DNAJC13: variants seen among roughly 807,000 people sequenced by gnomAD.
The protein encoded by DNAJC13 is DnaJ heat shock protein family (Hsp40) member C13.
DNAJC13 carries 75 observed loss-of-function variants against 290.5 expected under a neutral mutation model. That is an observed-to-expected ratio of 0.26 (90% CI 0.21 to 0.31). The LOEUF (loss-of-function observed/expected upper bound fraction) is 0.31, where lower values mean the gene tolerates loss of function less well. Ranked by LOEUF, DNAJC13 falls within the 10% of genes least tolerant of loss-of-function variation. DNAJC13 has a pLI of 1.00. For missense variants in DNAJC13, 2,260 were observed against 2,674.5 expected (o/e 0.85, Z 3.42); for synonymous variants, 862 against 892.0 (o/e 0.97, Z 0.60).
chr3:132,499,627 T>C, intron 37 of DNAJC13, 107 bp from the exon 38 acceptor site: 2 of 956,246 alleles, frequency 2.1e-6, no homozygotes, highest in Non-Finnish European at 3.2e-6. Flanking sequence ...CATTTATGTA[T>C]CAAATATTTA....
At chr3:132,525,124 TGAGGTCAG>T in intron 51 of DNAJC13, among the ~76,000 whole-genome samples, 1 of 152,282 alleles carries the variant, frequency 6.6e-6, no homozygotes. Context: ...GCGGATCACC[TGAGGTCAG>T]GAGTTCGAGA....
chr3:132,482,621 G>A (rs958770457), intron 27 of DNAJC13, among the ~76,000 whole-genome samples: 8 of 152,072 alleles, frequency 5.3e-5, no homozygotes, highest in Admixed American at 2.0e-4. Context: ...CTGTAATTCC[G>A]GCACTGTGGG....
At chr3:132,483,249 T>A (rs1351327374) in intron 27 of DNAJC13, 126 bp from the exon 28 acceptor site, 1 of 982,624 alleles carries the variant, frequency 1.0e-6, no homozygotes, top group Middle Eastern at 2.9e-4. Flanking sequence ...AAAACTTATT[T>A]TTTCTGAAAT....
At position 132,447,364 on chromosome 3, in the gene DNAJC13, G is replaced by C. The variant is rs1933281848; in HGVS notation, c.188G>C (p.Gly63Ala). 23 of 1,603,544 alleles carry C rather than the reference G, an allele frequency of 1.4e-5. No homozygotes were observed. Among genetic ancestry groups the C allele is most frequent in the Non-Finnish European group, 1.9e-5 (22 of 1,176,244 alleles). The change falls in exon 4 of 56, where the codon GGA becomes GCA. Residue 63 changes from glycine (G) to alanine (A), a missense_variant. Gly to Ala is a moderately conservative substitution (Grantham distance 60). This residue lies in a region of DNAJC13 where 762 missense variants were observed against 964.1 expected (regional missense o/e 0.79). Coordinates refer to ENST00000260818, the MANE Select transcript of DNAJC13 (RefSeq NM_015268.4). ...DICSISPVGK[G>A]QGTEFNLTFR... Reference sequence around the variant, plus strand: ...TGCAGCATCAGCCCTGTTGGAAAAGGACAAGGAACGGAGTTCAACCTCACA... The same window carrying C: ...TGCAGCATCAGCCCTGTTGGAAAAGCACAAGGAACGGAGTTCAACCTCACA...
chr3:132,453,259 G>A (rs1933475235), intron 6 of DNAJC13, 39 bp from the exon 7 acceptor site: 1 of 1,584,796 alleles, frequency 6.3e-7, no homozygotes, highest in African/African-American at 1.4e-5. Context: ...CATTTCAGTT[G>A]TTTCAACTCT....
At chr3:132,440,704 A>G (rs1274518739) in intron 2 of DNAJC13, among the ~76,000 whole-genome samples, 2 of 152,240 alleles carry the variant, frequency 1.3e-5, no homozygotes, top group African/African-American at 4.8e-5. Context: ...TACATACAGA[A>G]TTTTGGGAAG....
Position 132,456,540 on chromosome 3 carries a change from ATAT to A in DNAJC13, c.1141_1143del (p.Ile381del). 6.2e-7 allele frequency: 1 copy of A among 1,614,054 alleles called. No individual in the cohort carries two copies. The highest frequency in any genetic ancestry group is 8.5e-7 in the Non-Finnish European group (1 of 1,179,946). ...GATGCTGTATTCAGGTTCAATGCTA[ATAT>A]TTCATACAGTGGAGTCCTACATGCA... On this transcript the variant is annotated inframe_deletion, in exon 11 of 56. Transcript: ENST00000260818.
chr3:132,419,202 A>G (rs1938885171), intron 1 of DNAJC13, among the ~76,000 whole-genome samples: 1 of 152,210 alleles, frequency 6.6e-6, no homozygotes, highest in African/African-American at 2.4e-5. Flanking sequence ...GAGGAGTCAG[A>G]GGATTATTAA....
chr3:132,507,458 T>C, intron 43 of DNAJC13, 105 bp downstream of exon 43: 1 of 730,274 alleles, frequency 1.4e-6, no homozygotes, highest in Non-Finnish European at 2.3e-6. Context: ...TTATTGCACT[T>C]TCTTTACTGT....
chr3:132,447,571 C>A, intron 4 of DNAJC13, 101 bp downstream of exon 4: 4 of 1,172,718 alleles, frequency 3.4e-6, no homozygotes, highest in Non-Finnish European at 4.6e-6. Flanking sequence ...GCCCCTGTAC[C>A]CACTATGATT....
At chr3:132,427,983 A>G (rs1288834207) in intron 1 of DNAJC13, among the ~76,000 whole-genome samples, 1 of 152,188 alleles carries the variant, frequency 6.6e-6, no homozygotes, top group African/African-American at 2.4e-5. Flanking sequence ...ACATCATTTT[A>G]ATGGAATGTT....
chr3:132,484,663 T>C lies in DNAJC13; in HGVS notation c.3258T>C (p.His1086=), dbSNP rs1934794156. The change falls in exon 29 of 56, where the codon CAT becomes CAC. Residue 1086 remains histidine (H), a synonymous_variant. Transcript: ENST00000260818. ...TGTCAGATAGCACTTGCCTTCCCCA[T>C]ATTATTCAGGTGAGTTATGTAATCA... ...RLLSDSTCLP[H]IIQLLLTFDP... 8 of 1,613,624 alleles carry C rather than the reference T, an allele frequency of 5.0e-6. No homozygotes were observed. The highest frequency in any genetic ancestry group is 6.8e-6 in the Non-Finnish European group (8 of 1,179,560).
chr3:132,449,342 T>C (rs961255204), intron 5 of DNAJC13, among the ~76,000 whole-genome samples: 1 of 152,096 alleles, frequency 6.6e-6, no homozygotes, highest in African/African-American at 2.4e-5. Context: ...ATGGCAGTTG[T>C]TTATGAGCTG....
rs950305269 is a variant in DNAJC13, at chr3:132,499,277, T to C, written c.4308T>C (p.Asn1436=). The change falls in exon 37 of 56, where the codon AAT becomes AAC. Residue 1436 remains asparagine (N), a synonymous_variant. Transcript: ENST00000260818. The stretch of plus-strand genomic sequence containing the variant: ...ATACTGTCAACTGTTCAGCCCTCAA[T>C]GCTGAAGAGCTCAGAAGAGAGAATG... ...AFHTVNCSAL[N]AEELRRENGL... is the part of the protein sequence containing the mutation. 2 of 1,612,340 alleles carry C rather than the reference T, an allele frequency of 1.2e-6. No individual in the cohort carries two copies. Among genetic ancestry groups the C allele is most frequent in the African/African-American group, 1.3e-5 (1 of 74,978 alleles).
At chr3:132,486,737 A>T (rs1934891736) in intron 29 of DNAJC13, among the ~76,000 whole-genome samples, 1 of 152,154 alleles carries the variant, frequency 6.6e-6, no homozygotes, top group Admixed American at 6.5e-5. Context: ...ATCGGTTGGA[A>T]AGGGATATCT....
intron 22 of DNAJC13, among the ~76,000 whole-genome samples, chr3:132,476,193 G>A (rs780403909): frequency 2.0e-5 from 3 of 151,956 alleles, no homozygotes; most frequent in South Asian, 2.1e-4. Context: ...CTCTTGCTTC[G>A]ACTTTTAGCC....
chr3:132,519,583 C>T (rs1260176874), intron 48 of DNAJC13, among the ~76,000 whole-genome samples: 4 of 151,592 alleles, frequency 2.6e-5, no homozygotes, highest in African/African-American at 9.7e-5. Context: ...CCCTTTGAAA[C>T]ACAAAAATTT....
At position 132,511,340 on chromosome 3, in the gene DNAJC13, A is replaced by T. The variant is rs941207114; in HGVS notation, c.5293+96A>T. Reference sequence around the variant, plus strand: ...TTATCAGGGAAACTCAGGGAAAATTATACTTGGTTATAATGTATTAATATA... The same window carrying T: ...TTATCAGGGAAACTCAGGGAAAATTTTACTTGGTTATAATGTATTAATATA... On this transcript the variant is annotated intron_variant, in intron 44 of 55. Coordinates refer to ENST00000260818, the MANE Select transcript of DNAJC13 (RefSeq NM_015268.4). 11 of 1,366,436 alleles carry T rather than the reference A, an allele frequency of 8.1e-6. No homozygotes were observed. The African/African-American group carries it at 1.6e-4, about 20-fold the overall frequency. 84.6% of individuals were successfully genotyped at this position (1,366,436 alleles called of 1,614,324 possible). A position where few individuals can be genotyped will look rare whatever the true frequency, so the allele number is the denominator to read the frequency against.
chr3:132,466,536 T>G (rs1933992789), intron 19 of DNAJC13, 142 bp downstream of exon 19: 3 of 551,054 alleles, frequency 5.4e-6, no homozygotes, highest in Non-Finnish European at 8.7e-6. Flanking sequence ...ATATCTTTAT[T>G]GAGGTAAAAT....
Sources: gnomAD v4.1 joint callset for allele counts (sites outside exome capture counted in the v4.1 genomes callset) on GRCh38, gnomAD v4.1.1 for gene constraint, gnomAD v4.1.1 regional missense constraint, MANE v1.5 for transcripts, NCBI Gene and HGNC (gene_info 2026-07-23, HGNC 2026-07-21) for gene names.